RC3H2: variants seen among roughly 807,000 people sequenced by gnomAD.
The protein encoded by RC3H2 is ring finger and CCCH-type domains 2.
In RC3H2, 31 loss-of-function variants were observed where a neutral mutation model predicts 133.3. The observed-to-expected ratio is 0.23, with a 90% CI of 0.17 to 0.31. The LOEUF is 0.31. RC3H2 is among the 10% of genes least tolerant of loss of function. RC3H2 has a pLI of 1.00. For synonymous variants in RC3H2, 517 were observed against 502.2 expected (o/e 1.03, Z -0.40); for missense variants, 1,175 against 1,437.2 (o/e 0.82, Z 2.95).
At position 122,883,217 on chromosome 9, in the gene RC3H2, G is replaced by C; in HGVS notation, c.746C>G (p.Ala249Gly). The C allele has an allele frequency of 6.2e-7, 1 of 1,612,124 alleles. No homozygotes were observed. Among genetic ancestry groups the C allele is most frequent in the Non-Finnish European group, 8.5e-7 (1 of 1,179,524 alleles). Reference sequence around the variant, plus strand: ...CTTACTGCTTACCTTAAAACAAGAAGCTCGATACAGTAGTTGCACAACATG... The same window carrying C: ...CTTACTGCTTACCTTAAAACAAGAACCTCGATACAGTAGTTGCACAACATG... ...IGHVVQLLYR[A>G]SCFKVTKRDE... The change falls in exon 5 of 21, where the codon GCT becomes GGT. Residue 249 changes from alanine to glycine, a missense_variant. Physicochemically the swap from Ala to Gly is moderately conservative, Grantham distance 60. Around this residue, in one of 8 missense-constraint regions of RC3H2, gnomAD observed 121 missense variants for 243.5 expected, o/e 0.50. Coordinates refer to ENST00000357244, the MANE Select transcript of RC3H2 (RefSeq NM_001100588.3).
At chr9:122,867,560 C>A (rs1830765199) in intron 9 of RC3H2, among the ~76,000 whole-genome samples, 1 of 116,040 alleles carries the variant, frequency 8.6e-6, no homozygotes, top group Non-Finnish European at 2.0e-5. Flanking sequence ...CTCTGCCTGG[C>A]TGCCCAGTCT....
intron 15 of RC3H2, among the ~76,000 whole-genome samples, chr9:122,854,822 G>GGA (rs1312076094): frequency 6.6e-6 from 1 of 152,172 alleles, no homozygotes; most frequent in Admixed American, 6.5e-5. Context: ...ACAGTGCTTA[G>GGA]GACAGGCACA....
intron 9 of RC3H2, among the ~76,000 whole-genome samples, chr9:122,870,324 G>A (rs1427890627): frequency 2.6e-5 from 4 of 151,556 alleles, no homozygotes; most frequent in South Asian, 4.2e-4. Flanking sequence ...GCAGTGAGCC[G>A]AGATTGTGCC....
chr9:122,884,986 C>A (rs903786295), intron 4 of RC3H2, among the ~76,000 whole-genome samples: 21 of 151,912 alleles, frequency 1.4e-4, no homozygotes, highest in African/African-American at 5.1e-4. Flanking sequence ...ATGACTAAAA[C>A]GTATAGAAAG....
At chr9:122,890,121 A>T in intron 4 of RC3H2, 191 bp downstream of exon 4, 1 of 618,244 alleles carries the variant, frequency 1.6e-6, no homozygotes, top group Non-Finnish European at 2.9e-6. Flanking sequence ...AGCCTGGGTG[A>T]CAGAGTGAGA....
intron 9 of RC3H2, among the ~76,000 whole-genome samples, chr9:122,868,032 CCT>C (rs1830807670): frequency 8.1e-6 from 1 of 122,844 alleles, no homozygotes; most frequent in African/African-American, 3.1e-5. Flanking sequence ...GTGAGAAGCC[CCT>C]CTGCCCAGCC....
intron 9 of RC3H2, among the ~76,000 whole-genome samples, chr9:122,871,737 G>T (rs1831112026): frequency 6.6e-6 from 1 of 151,680 alleles, no homozygotes; most frequent in South Asian, 2.1e-4. Flanking sequence ...GTCATTACAA[G>T]ATATTATGCT....
chr9:122,851,623 A>G (rs1365902709), intron 18 of RC3H2, 187 bp from the exon 19 acceptor site: 2 of 754,106 alleles, frequency 2.7e-6, no homozygotes, highest in Non-Finnish European at 4.1e-6. Context: ...CAGCCTGCAG[A>G]GTGCCTGCAA....
intron 9 of RC3H2, among the ~76,000 whole-genome samples, chr9:122,871,830 A>G (rs1220814682): frequency 4.6e-5 from 7 of 152,002 alleles, no homozygotes; most frequent in Admixed American, 3.3e-4. Context: ...GCATCTCTCT[A>G]TCTTTAGCAC....
At position 122,849,711 on chromosome 9, in the gene RC3H2, G is replaced by C. The variant is rs757518656; in HGVS notation, c.3492C>G (p.Asn1164Lys). Reference protein sequence around the residue: ...LPITTSVSAGNLILKTHVMSE... With the variant: ...LPITTSVSAGKLILKTHVMSE... Reference sequence around the variant, plus strand: ...ACATAACATGAGTTTTCAGAATGAGGTTGCCAGCACTGACAGATGTGGTGA... The same window carrying C: ...ACATAACATGAGTTTTCAGAATGAGCTTGCCAGCACTGACAGATGTGGTGA... Residue 1164 changes from asparagine to lysine, a missense_variant, in exon 21 of 21, where the codon AAC (asparagine) becomes AAG (lysine). Around this residue, in one of 8 missense-constraint regions of RC3H2, gnomAD observed 220 missense variants for 201.1 expected, o/e 1.09. Transcript: ENST00000357244. 1.9e-6 allele frequency: 3 copies of C among 1,611,482 alleles called. No individual in the cohort carries two copies. The highest frequency in any genetic ancestry group is 1.7e-5 in the Admixed American group (1 of 59,628).
intron 11 of RC3H2, 150 bp from the exon 12 acceptor site, chr9:122,859,252 C>CTTATTTTTTTTTT (rs1830367275): frequency 5.6e-6 from 1 of 179,744 alleles, no homozygotes; most frequent in African/African-American, 4.9e-5. Flanking sequence ...TATACCCTGG[C>CTTATTTTTTTTTT]TTTTTTTTTT....
intron 4 of RC3H2, among the ~76,000 whole-genome samples, chr9:122,885,953 T>C (rs1831893085): frequency 1.3e-5 from 2 of 152,248 alleles, no homozygotes; most frequent in South Asian, 4.1e-4. Flanking sequence ...AGTGGCACGA[T>C]CTTCGCTCAC....
intron 1 of RC3H2, among the ~76,000 whole-genome samples, chr9:122,901,079 G>C (rs1002787638): frequency 1.3e-5 from 2 of 152,170 alleles, no homozygotes; most frequent in Non-Finnish European, 2.9e-5. Flanking sequence ...ATATTATGCA[G>C]CCAGTTCAGG....
rs1831586916 is a variant in RC3H2, at chr9:122,880,863, C to T, written c.760-69G>A. ...CTCCCTTCAACTGATTCGTTTATTC[C>T]TTTTTCAGGGAGGGTGGGGGATACT... On this transcript the variant is annotated intron_variant, in intron 5 of 20. Coordinates refer to ENST00000357244, the MANE Select transcript of RC3H2 (RefSeq NM_001100588.3). 4.4e-6 allele frequency: 5 copies of T among 1,137,194 alleles called. No homozygotes were observed. In the East Asian group the frequency reaches 1.2e-4, roughly 28 times the overall value. 70.4% of individuals were successfully genotyped at this position (1,137,194 alleles called of 1,614,324 possible). A position where few individuals can be genotyped will look rare whatever the true frequency, so the allele number is the denominator to read the frequency against.
Position 122,865,664 on chromosome 9 carries a change from C to CA in RC3H2, c.1326-8dup. On this transcript the variant is annotated splice_polypyrimidine_tract_variant and splice_region_variant and intron_variant, in intron 9 of 20. Transcript: ENST00000357244. The stretch of plus-strand genomic sequence containing the variant: ...TTTGTTCCTTAATCGATACCTGTTT[C>CA]AAAAACAATCAACAGATTGGTGAAT... 1.2e-6 allele frequency: 2 copies of CA among 1,601,746 alleles called. No homozygotes were observed. Among genetic ancestry groups the CA allele is most frequent in the Non-Finnish European group, 1.7e-6 (2 of 1,175,238 alleles).
At chr9:122,854,510 T>C (rs779922325) in intron 16 of RC3H2, 21 bp downstream of exon 16, 12 of 1,569,822 alleles carry the variant, frequency 7.6e-6, no homozygotes, top group South Asian at 4.4e-5. Context: ...GAGAATCATA[T>C]AGAATTAAGA....
intron 9 of RC3H2, among the ~76,000 whole-genome samples, chr9:122,876,810 G>T (rs1831360157): frequency 6.6e-6 from 1 of 151,742 alleles, no homozygotes; most frequent in African/African-American, 2.4e-5. Flanking sequence ...AGAAAAAGGG[G>T]TTAACCATAG....
intron 9 of RC3H2, chr9:122,875,259 T>C: frequency 6.4e-7 from 1 of 1,551,136 alleles, no homozygotes; most frequent in Non-Finnish European, 8.7e-7. Flanking sequence ...CACACACTTA[T>C]CTTCTCTCTA....
chr9:122,875,281 C>T (rs753892401), intron 9 of RC3H2: 43 of 1,550,656 alleles, frequency 2.8e-5, no homozygotes, highest in African/African-American at 1.6e-4. Flanking sequence ...CACAATGCTG[C>T]TGCTTGTAGA....
Sources: gnomAD v4.1 joint callset for allele counts (sites outside exome capture counted in the v4.1 genomes callset) on GRCh38, gnomAD v4.1.1 for gene constraint, gnomAD v4.1.1 regional missense constraint, MANE v1.5 for transcripts, NCBI Gene and HGNC (gene_info 2026-07-23, HGNC 2026-07-21) for gene names.